Variants in CDKN2A observed in about 807,000 individuals in gnomAD.
The protein encoded by CDKN2A is cyclin-dependent kinase inhibitor 2A.
A neutral mutation model predicts 11.1 loss-of-function variants in CDKN2A; 3 were observed. That is an observed-to-expected ratio of 0.27 (90% confidence interval 0.12 to 0.70). CDKN2A has a LOEUF of 0.70. Ranked by LOEUF, CDKN2A falls within the 30% of genes least tolerant of loss-of-function variation. The pLI, the probability that CDKN2A is intolerant of heterozygous loss-of-function variation, is 0.77. For missense variants in CDKN2A, 265 were observed against 233.6 expected (o/e 1.13, Z -0.88); for synonymous variants, 122 against 108.1 (o/e 1.13, Z -0.80).
intron 1 of CDKN2A, among the ~76,000 whole-genome samples, chr9:21,973,275 CCCATTTGATAATATAT>C (rs1467463828): frequency 6.6e-6 from 1 of 152,052 alleles, no homozygotes; most frequent in African/African-American, 2.4e-5. Context: ...GATGCTTAAA[CCCATTTGATAATATAT>C]CCATTTGATA....
chr9:21,974,646 T>A lies in CDKN2A; in HGVS notation c.150+32A>T, dbSNP rs779174268. The A allele has an allele frequency of 9.9e-6, 16 of 1,614,012 alleles. No homozygotes were observed. The highest frequency in any genetic ancestry group is 1.1e-5 in the South Asian group (1 of 91,086). On this transcript the variant is annotated intron_variant, in intron 1 of 2. Coordinates refer to ENST00000304494, the MANE Select transcript of CDKN2A (RefSeq NM_000077.5). This position sits in a 1 kb window ranked among gnomAD's most constrained non-coding sequence, Gnocchi z 5.2. Reference sequence around the variant, plus strand: ...CTTCGTCCTCCAGAGTCGCCCGCCATCCCCTGCTCCCGCTGCAGACCCTCT... The same window carrying A: ...CTTCGTCCTCCAGAGTCGCCCGCCAACCCCTGCTCCCGCTGCAGACCCTCT...
chr9:21,971,246 G>A (rs936221699), intron 1 of CDKN2A, 38 bp from the exon 2 acceptor site: 2 of 1,582,918 alleles, frequency 1.3e-6, no homozygotes, highest in African/African-American at 2.7e-5. Flanking sequence ...CCAGGGTGGG[G>A]GCCGGCATGA....
Position 21,967,990 on chromosome 9 carries a change from G to C in CDKN2A, c.*239C>G. Reference sequence around the variant, plus strand: ...CCAACACAGTGAAAAGGCAGAAGCGGTGTTTTTCTTTTTTACATTTTTATA... The same window carrying C: ...CCAACACAGTGAAAAGGCAGAAGCGCTGTTTTTCTTTTTTACATTTTTATA... On this transcript the variant is annotated 3_prime_UTR_variant, in exon 3 of 3. Transcript: ENST00000304494. 1.8e-6 allele frequency: 1 copy of C among 544,290 alleles called. No homozygotes were observed. The highest frequency in any genetic ancestry group is 2.5e-5 in the South Asian group (1 of 39,606). 33.7% of individuals were successfully genotyped at this position (544,290 alleles called of 1,614,324 possible). A position where few individuals can be genotyped will look rare whatever the true frequency, so the allele number is the denominator to read the frequency against.
intron 1 of CDKN2A, among the ~76,000 whole-genome samples, chr9:21,971,572 G>C (rs1267136120): frequency 1.6e-5 from 1 of 62,056 alleles, no homozygotes; most frequent in Non-Finnish European, 2.6e-5. Flanking sequence ...GTTAGGCCTG[G>C]AGATTTTTTT....
intron 1 of CDKN2A, among the ~76,000 whole-genome samples, chr9:21,972,948 A>G (rs1157961147): frequency 6.6e-6 from 1 of 152,222 alleles, no homozygotes; most frequent in African/African-American, 2.4e-5. Flanking sequence ...TGCCTAAATC[A>G]AGGAATTATA....
chr9:21,992,459 C>T (rs774856345), intron 2 of CDKN2A: 208 of 969,540 alleles, frequency 2.1e-4, no homozygotes, highest in Non-Finnish European at 2.5e-4. Flanking sequence ...TTTTCACATA[C>T]GTCCTGAAAA....
At chr9:21,986,244 G>A (rs1820294420) in intron 2 of CDKN2A, among the ~76,000 whole-genome samples, 1 of 152,028 alleles carries the variant, frequency 6.6e-6, no homozygotes, top group South Asian at 2.1e-4. Context: ...CTGTGCTGGT[G>A]AATAGGTATC....
At chr9:21,972,989 C>T (rs1158040224) in intron 1 of CDKN2A, among the ~76,000 whole-genome samples, 1 of 152,094 alleles carries the variant, frequency 6.6e-6, no homozygotes, top group Non-Finnish European at 1.5e-5. Context: ...TAAATCCTGT[C>T]CTGAGAAAGT....
intron 2 of CDKN2A, among the ~76,000 whole-genome samples, chr9:21,981,747 C>A (rs942456791): frequency 1.3e-4 from 19 of 151,892 alleles, no homozygotes; most frequent in African/African-American, 4.6e-4. Context: ...TGAAGCTGCC[C>A]CGGATAAAAA....
At chr9:21,981,264 CT>C (rs1310614256) in intron 2 of CDKN2A, among the ~76,000 whole-genome samples, 1 of 148,168 alleles carries the variant, frequency 6.7e-6, no homozygotes, top group East Asian at 2.0e-4. Context: ...TGAGTGGAGC[CT>C]ACAGTAATCA....
chr9:21,969,784 C>T, intron 2 of CDKN2A: 1 of 397,164 alleles, frequency 2.5e-6, no homozygotes, highest in Non-Finnish European at 4.4e-6. Flanking sequence ...GACCTGGATG[C>T]TAGCTGTAAC....
intron 2 of CDKN2A, among the ~76,000 whole-genome samples, chr9:21,985,359 T>C (rs184193871): frequency 6.6e-6 from 1 of 152,080 alleles, no homozygotes; most frequent in African/African-American, 2.4e-5. Flanking sequence ...TGCATAAAAA[T>C]AACTGAAGGT....
At chr9:21,979,843 T>C (rs1282263626), upstream of CDKN2A, among the ~76,000 whole-genome samples, 1 of 152,164 alleles carries the variant, frequency 6.6e-6, no homozygotes, top group African/African-American at 2.4e-5. Context: ...CCTGATTACT[T>C]TCTTTAAACT....
In CDKN2A at chr9:21,968,391, C is replaced by A. The variant is rs1281094322; in HGVS notation, c.458-149G>T. The stretch of plus-strand genomic sequence containing the variant: ...GGCTTCACGTGCATGTACCCGCCGC[C>A]ACCGCTCTCCCACACCTCCCTGGTC... On this transcript the variant is annotated intron_variant, in intron 2 of 2. Coordinates refer to ENST00000304494, the MANE Select transcript of CDKN2A (RefSeq NM_000077.5). This position sits in a 1 kb window ranked among gnomAD's most constrained non-coding sequence, Gnocchi z 4.7. 3 of 1,518,650 alleles carry A rather than the reference C, an allele frequency of 2.0e-6. No homozygotes were observed. In the East Asian group the frequency reaches 7.3e-5, roughly 37 times the overall value. 94.1% of individuals were successfully genotyped at this position (1,518,650 alleles called of 1,614,324 possible).
intron 1 of CDKN2A, among the ~76,000 whole-genome samples, chr9:21,972,919 A>G (rs774323100): frequency 2.6e-5 from 4 of 152,232 alleles, no homozygotes; most frequent in Non-Finnish European, 5.9e-5. Flanking sequence ...ATTTCATACT[A>G]AACACAAATT....
chr9:21,992,076 A>G, intron 2 of CDKN2A: 1 of 909,026 alleles, frequency 1.1e-6, no homozygotes, highest in South Asian at 5.1e-5. Flanking sequence ...GTGGAATTTT[A>G]GTATATGTAT....
At chr9:21,969,904 A>C (rs1335159838) in intron 2 of CDKN2A, 1 of 396,840 alleles carries the variant, frequency 2.5e-6, no homozygotes. Flanking sequence ...CTCCAAGCAG[A>C]GGGCTTAGAG....
rs786202575 is a variant in CDKN2A, at chr9:21,971,150, G to C, written c.209C>G (p.Pro70Arg). 6.3e-7 allele frequency: 1 copy of C among 1,594,476 alleles called. No individual in the cohort carries two copies. The highest frequency in any genetic ancestry group is 8.5e-7 in the Non-Finnish European group (1 of 1,176,802). Residue 70 changes from proline (P) to arginine (R), a missense_variant, in exon 2 of 3, where the codon CCC (proline) becomes CGC (arginine). By Grantham distance (103) the Pro-to-Arg change is moderately radical. Transcript: ENST00000304494. ...AELLLLHGAE[P>R]NCADPATLTR... is the part of the protein sequence containing the mutation. The stretch of plus-strand genomic sequence containing the variant: ...GAGAGTGGCGGGGTCGGCGCAGTTG[G>C]GCTCCGCGCCGTGGAGCAGCAGCAG...
upstream of CDKN2A, among the ~76,000 whole-genome samples, chr9:21,975,316 T>C (rs1386494493): frequency 6.6e-6 from 1 of 152,044 alleles, no homozygotes; most frequent in African/African-American, 2.4e-5. Context: ...CGATACAACC[T>C]TCCTAACTGC....
Sources: allele counts gnomAD v4.1 joint callset (sites outside exome capture counted in the v4.1 genomes callset), GRCh38; gene constraint gnomAD v4.1.1; non-coding constraint Gnocchi (gnomAD v3.1); transcripts MANE v1.5; gene names NCBI Gene and HGNC (gene_info 2026-07-23, HGNC 2026-07-21).